Variants in BRINP1 observed in about 807,000 individuals in gnomAD.
BRINP1 encodes BMP/retinoic acid inducible neural specific 1.
A neutral mutation model predicts 72.9 loss-of-function variants in BRINP1; 17 were observed. That is an observed-to-expected ratio of 0.23 (90% confidence interval 0.16 to 0.35). The LOEUF (loss-of-function observed/expected upper bound fraction) is 0.35. Ranked by LOEUF, BRINP1 falls within the 10% of genes least tolerant of loss-of-function variation. The probability of loss-of-function intolerance (pLI) is 1.00; values close to 1 mark genes in which losing one functional copy is unlikely to be tolerated. For missense variants in BRINP1, 850 were observed against 1,001.6 expected, an observed-to-expected ratio of 0.85 and a Z score of 2.04; for synonymous variants, 418 against 378.5, an observed-to-expected ratio of 1.10 and a Z score of -1.21.
chr9:119,220,104 G>A (rs548484937), intron 5 of BRINP1, among the ~76,000 whole-genome samples: 5 of 152,158 alleles, frequency 3.3e-5, no homozygotes, highest in Non-Finnish European at 7.4e-5. Flanking sequence ...GTGACACAAA[G>A]CAGAAATCTG....
intron 2 of BRINP1, among the ~76,000 whole-genome samples, chr9:119,277,491 T>C (rs550136729): frequency 3.3e-5 from 5 of 152,166 alleles, no homozygotes; most frequent in African/African-American, 4.8e-5. Context: ...AGAGCTTTAT[T>C]TGGGGGAGGG....
At chr9:119,281,253 T>C (rs1293108029) in intron 2 of BRINP1, among the ~76,000 whole-genome samples, 3 of 152,140 alleles carry the variant, frequency 2.0e-5, no homozygotes, top group Non-Finnish European at 1.5e-5. Context: ...TTTTATTCTG[T>C]TTTTAAGAGC....
In BRINP1 at chr9:119,333,823, T is replaced by A. The variant is rs574579825; in HGVS notation, c.-50-20418A>T. Among the ~76,000 whole-genome samples the A allele has an allele frequency of 3.2e-3, 483 of 152,110 alleles. 1 individual carries two copies. Among genetic ancestry groups the A allele is most frequent in the South Asian group, 5.4e-3 (26 of 4,816 alleles). ...TGGGAGCCTAAGGAAAGAAAAAAAATATATATTGCATCTTTTGGATGAAAG... is the reference window on the plus strand; with the variant it reads ...TGGGAGCCTAAGGAAAGAAAAAAAAAATATATTGCATCTTTTGGATGAAAG... On this transcript the variant is annotated intron_variant, in intron 1 of 7. Coordinates refer to ENST00000265922, the MANE Select transcript of BRINP1 (RefSeq NM_014618.3).
At chr9:119,220,460 G>A (rs747661596) in intron 5 of BRINP1, among the ~76,000 whole-genome samples, 3 of 152,082 alleles carry the variant, frequency 2.0e-5, no homozygotes, top group Non-Finnish European at 4.4e-5. Context: ...AATCTTCATC[G>A]CTGACTTTGA....
At chr9:119,197,078 T>C (rs988140205) in intron 7 of BRINP1, among the ~76,000 whole-genome samples, 33 of 152,162 alleles carry the variant, frequency 2.2e-4, no homozygotes, top group Non-Finnish European at 5.9e-5. Flanking sequence ...GAATTTGTGG[T>C]CAAGTAGGGG....
intron 2 of BRINP1, among the ~76,000 whole-genome samples, chr9:119,251,350 C>T (rs759416437): frequency 2.6e-5 from 4 of 152,150 alleles, no homozygotes; most frequent in Admixed American, 6.5e-5. Context: ...GGAGGAGGAA[C>T]CTGAACTTTT....
At chr9:119,355,863 C>T (rs965831365) in intron 1 of BRINP1, among the ~76,000 whole-genome samples, 1 of 152,116 alleles carries the variant, frequency 6.6e-6, no homozygotes, top group Admixed American at 6.5e-5. Flanking sequence ...TTTCTCCAAA[C>T]ACTCTGATAA....
At chr9:119,363,454 C>T (rs1831656169) in intron 1 of BRINP1, among the ~76,000 whole-genome samples, 2 of 152,214 alleles carry the variant, frequency 1.3e-5, no homozygotes, top group African/African-American at 2.4e-5. Flanking sequence ...CACAAAATTA[C>T]ATGGCTGATT....
At chr9:119,207,385 A>C (rs1447054703) in intron 7 of BRINP1, among the ~76,000 whole-genome samples, 1 of 152,238 alleles carries the variant, frequency 6.6e-6, no homozygotes, top group East Asian at 1.9e-4. Flanking sequence ...GCTGTTACTT[A>C]AAAGTAATGG....
intron 7 of BRINP1, among the ~76,000 whole-genome samples, chr9:119,192,796 C>T (rs1829695593): frequency 6.6e-6 from 1 of 152,024 alleles, no homozygotes; most frequent in Non-Finnish European, 1.5e-5. Flanking sequence ...ATCTGCACTC[C>T]CATATTAACT....
intron 2 of BRINP1, among the ~76,000 whole-genome samples, chr9:119,308,711 A>C (rs527681347): frequency 6.6e-6 from 1 of 152,298 alleles, no homozygotes; most frequent in African/African-American, 2.4e-5. Context: ...TTGGCTTACC[A>C]AGATTTGATT....
chr9:119,285,001 G>A (rs1830745188), intron 2 of BRINP1, among the ~76,000 whole-genome samples: 1 of 152,138 alleles, frequency 6.6e-6, no homozygotes, highest in Non-Finnish European at 1.5e-5. Flanking sequence ...TCTGGCTGGT[G>A]AGGAAAAAGA....
chr9:119,208,010 T>C (rs958482289), intron 7 of BRINP1, among the ~76,000 whole-genome samples: 4 of 152,150 alleles, frequency 2.6e-5, no homozygotes, highest in African/African-American at 9.7e-5. Context: ...AAAACCTGGA[T>C]TCAAGTCCTG....
At chr9:119,339,127 T>C (rs1388061367) in intron 1 of BRINP1, among the ~76,000 whole-genome samples, 1 of 152,168 alleles carries the variant, frequency 6.6e-6, no homozygotes, top group Non-Finnish European at 1.5e-5. Context: ...AGGTTTTCTA[T>C]AAAAATCCAG....
At chr9:119,243,558 GATAC>G (rs1830281253) in intron 3 of BRINP1, among the ~76,000 whole-genome samples, 1 of 152,060 alleles carries the variant, frequency 6.6e-6, no homozygotes, top group Admixed American at 6.6e-5. Flanking sequence ...TATTCCTTTT[GATAC>G]ATACTCAGTA....
At chr9:119,170,773 A>C (rs1829397349) in intron 7 of BRINP1, among the ~76,000 whole-genome samples, 1 of 132,314 alleles carries the variant, frequency 7.6e-6, no homozygotes. Context: ...TCAGACTAAC[A>C]GCAGATCTCT....
chr9:119,305,030 G>T (rs1587954509), intron 2 of BRINP1, among the ~76,000 whole-genome samples: 1 of 152,298 alleles, frequency 6.6e-6, no homozygotes, highest in African/African-American at 2.4e-5. Flanking sequence ...TGCAAACTCT[G>T]CTAATCACAC....
At chr9:119,234,169 A>AC (rs1830172112) in intron 5 of BRINP1, among the ~76,000 whole-genome samples, 1 of 152,184 alleles carries the variant, frequency 6.6e-6, no homozygotes, top group African/African-American at 2.4e-5. Flanking sequence ...GACCAAGGAC[A>AC]CGTGCAGTCT....
chr9:119,241,575 G>T (rs1564226273), intron 4 of BRINP1, among the ~76,000 whole-genome samples: 1 of 152,140 alleles, frequency 6.6e-6, no homozygotes, highest in Non-Finnish European at 1.5e-5. Flanking sequence ...TCAGAAAAAG[G>T]CTTTAAACCT....
Sources: allele counts gnomAD v4.1 joint callset (sites outside exome capture counted in the v4.1 genomes callset), GRCh38; gene constraint gnomAD v4.1.1; transcripts MANE v1.5; gene names NCBI Gene and HGNC (gene_info 2026-07-23, HGNC 2026-07-21).